The following PDE7B variants were observed in gnomAD, a reference collection of about 807,000 sequenced individuals.
PDE7B encodes phosphodiesterase 7B.
PDE7B carries 29 observed loss-of-function variants against 56.2 expected under a neutral mutation model. That is an observed-to-expected ratio of 0.52 (90% CI 0.38 to 0.70). PDE7B has a LOEUF of 0.70. PDE7B is among the 30% of genes least tolerant of loss of function. The probability of loss-of-function intolerance (pLI) is 0.00; values close to 1 mark genes in which losing one functional copy is unlikely to be tolerated. For synonymous variants in PDE7B, 197 were observed against 196.9 expected, an observed-to-expected ratio of 1.00 and a Z score of 0.00; for missense variants, 490 against 565.0, an observed-to-expected ratio of 0.87 and a Z score of 1.35.
chr6:136,007,156 A>G (rs1444547710), intron 2 of PDE7B, among the ~76,000 whole-genome samples: 3 of 152,212 alleles, frequency 2.0e-5, no homozygotes, highest in African/African-American at 7.2e-5. Flanking sequence ...TTCTGCATCT[A>G]TTGAGATAGT....
chr6:136,151,108 A>T (rs1778505051), intron 5 of PDE7B, 52 bp from the exon 6 acceptor site: 1 of 898,550 alleles, frequency 1.1e-6, no homozygotes, highest in Non-Finnish European at 1.9e-6. Flanking sequence ...GTCAATCTTG[A>T]TATTTTAGTG....
chr6:136,070,685 T>C (rs528414653), intron 2 of PDE7B, among the ~76,000 whole-genome samples: 81 of 152,334 alleles, frequency 5.3e-4, no homozygotes, highest in African/African-American at 1.9e-3. Flanking sequence ...AAACACACTC[T>C]CATTTAGAAT....
intron 2 of PDE7B, chr6:136,098,162 A>C (rs1777502415): frequency 7.1e-6 from 1 of 141,544 alleles, no homozygotes; most frequent in African/African-American, 2.6e-5. Flanking sequence ...ATATGTATAT[A>C]TATACACACA....
At chr6:136,121,857 C>T (rs546533121) in intron 3 of PDE7B, among the ~76,000 whole-genome samples, 19 of 152,184 alleles carry the variant, frequency 1.2e-4, no homozygotes, top group African/African-American at 4.1e-4. Flanking sequence ...TCAGATTCTG[C>T]GGTGAATGTG....
chr6:136,041,487 G>A (rs1442292268), intron 2 of PDE7B, among the ~76,000 whole-genome samples: 2 of 152,236 alleles, frequency 1.3e-5, no homozygotes, highest in Admixed American at 6.5e-5. Flanking sequence ...ACCATCTTCA[G>A]ACTGGCATGC....
chr6:136,054,545 T>A (rs1436102086), intron 2 of PDE7B, among the ~76,000 whole-genome samples: 2 of 152,188 alleles, frequency 1.3e-5, no homozygotes, highest in Non-Finnish European at 2.9e-5. Flanking sequence ...CGAGCCCTTT[T>A]TTGGTTCCAT....
chr6:136,037,141 G>A (rs1019625241), intron 2 of PDE7B, among the ~76,000 whole-genome samples: 4 of 152,194 alleles, frequency 2.6e-5, no homozygotes, highest in African/African-American at 9.6e-5. Context: ...CCCTCCAGAA[G>A]GTGAATTGTT....
chr6:136,139,190 A>G (rs1164263769), intron 3 of PDE7B, among the ~76,000 whole-genome samples: 1 of 152,048 alleles, frequency 6.6e-6, no homozygotes, highest in African/African-American at 2.4e-5. Flanking sequence ...TCATTGTTCA[A>G]TTCCCACCTA....
At chr6:136,171,582 A>C (rs1465030956) in intron 8 of PDE7B, among the ~76,000 whole-genome samples, 1 of 152,120 alleles carries the variant, frequency 6.6e-6, no homozygotes, top group East Asian at 1.9e-4. Flanking sequence ...ATCTTGGATT[A>C]TGTTATGACT....
chr6:136,085,745 G>C (rs1777280759), intron 2 of PDE7B, among the ~76,000 whole-genome samples: 1 of 152,186 alleles, frequency 6.6e-6, no homozygotes, highest in Non-Finnish European at 1.5e-5. Flanking sequence ...CCATTGTCCA[G>C]GACAGCTCCA....
At position 135,851,923 on chromosome 6, in the gene PDE7B, C is replaced by G; in HGVS notation, c.-76C>G. 9.9e-7 allele frequency: 1 copy of G among 1,011,846 alleles called. No individual in the cohort carries two copies. Among genetic ancestry groups the G allele is most frequent in the South Asian group, 1.3e-5 (1 of 77,462 alleles). The allele number at this position is 1,011,846 out of a possible 1,614,324, so 62.7% of individuals were successfully genotyped here. ...GATGAAGTTGCTGGATTCTGCAGCA[C>G]AAGTCTTCATGAACAAGCAGCACCG... On this transcript the variant is annotated 5_prime_UTR_variant, in exon 1 of 13. Transcript: ENST00000308191.
intron 1 of PDE7B, among the ~76,000 whole-genome samples, chr6:135,946,222 A>G (rs2128199314): frequency 6.6e-6 from 1 of 151,236 alleles, no homozygotes; most frequent in Non-Finnish European, 1.5e-5. Context: ...GGCATATTAT[A>G]TATTTTATAT....
intron 2 of PDE7B, among the ~76,000 whole-genome samples, chr6:136,068,880 T>G (rs943538127): frequency 6.6e-6 from 1 of 152,180 alleles, no homozygotes; most frequent in African/African-American, 2.4e-5. Context: ...ATGGGTCAAA[T>G]ATATGTCAAA....
At chr6:136,110,162 C>T (rs1010672065) in intron 3 of PDE7B, among the ~76,000 whole-genome samples, 1 of 152,016 alleles carries the variant, frequency 6.6e-6, no homozygotes, top group Non-Finnish European at 1.5e-5. Flanking sequence ...TAATTCTTTC[C>T]ACACTAGAGA....
chr6:136,173,344 C>T (rs1021633068), intron 8 of PDE7B, among the ~76,000 whole-genome samples: 13 of 152,054 alleles, frequency 8.5e-5, no homozygotes, highest in East Asian at 3.9e-4. Flanking sequence ...TCAGAAATAA[C>T]GCCACATATC....
At chr6:135,888,155 C>T (rs1350740094) in intron 1 of PDE7B, among the ~76,000 whole-genome samples, 2 of 152,124 alleles carry the variant, frequency 1.3e-5, no homozygotes, top group African/African-American at 4.8e-5. Context: ...ACCTCTATGA[C>T]CTCAGTGAGT....
chr6:136,147,644 T>A, intron 4 of PDE7B, 142 bp downstream of exon 4: 1 of 593,352 alleles, frequency 1.7e-6, no homozygotes, highest in Non-Finnish European at 3.0e-6. Flanking sequence ...TCTGGACTTG[T>A]TCCTCTAATA....
intron 2 of PDE7B, among the ~76,000 whole-genome samples, chr6:136,021,268 C>T (rs1466054591): frequency 2.0e-5 from 3 of 152,212 alleles, no homozygotes; most frequent in Non-Finnish European, 4.4e-5. Flanking sequence ...ATATTTCTTA[C>T]TATCCCAGCA....
intron 1 of PDE7B, among the ~76,000 whole-genome samples, chr6:135,866,505 A>T (rs1775264018): frequency 1.3e-5 from 2 of 152,120 alleles, no homozygotes; most frequent in Admixed American, 1.3e-4. Flanking sequence ...TGAGGTTGCT[A>T]ATAGGCTAGG....
Sources: allele counts gnomAD v4.1 joint callset (sites outside exome capture counted in the v4.1 genomes callset), GRCh38; gene constraint gnomAD v4.1.1; transcripts MANE v1.5; gene names NCBI Gene and HGNC (gene_info 2026-07-23, HGNC 2026-07-21).